CWF19L2: variants seen among roughly 807,000 people sequenced by gnomAD.
CWF19L2 encodes CWF19-like protein 2.
In CWF19L2, 98 loss-of-function variants were observed where a neutral mutation model predicts 111.7. The ratio of observed to expected loss-of-function variants is 0.88; its 90% CI spans 0.75 to 1.04. The LOEUF is 1.04. Among genes scored for constraint, CWF19L2 ranks in the 50% least tolerant of loss-of-function variants. The pLI, the probability that CWF19L2 is intolerant of heterozygous loss-of-function variation, is 0.00. For synonymous variants in CWF19L2, 351 were observed against 342.9 expected (o/e 1.02, Z -0.26); for missense variants, 1,101 against 1,051.4 (o/e 1.05, Z -0.65).
chr11:107,419,876 G>A (rs1450836509), intron 8 of CWF19L2, among the ~76,000 whole-genome samples: 1 of 151,984 alleles, frequency 6.6e-6, no homozygotes, highest in Non-Finnish European at 1.5e-5. Context: ...ACAAGTATAA[G>A]TAAAATGTAT....
intron 8 of CWF19L2, among the ~76,000 whole-genome samples, chr11:107,425,356 A>G (rs1022196437): frequency 2.0e-5 from 3 of 151,946 alleles, no homozygotes; most frequent in Non-Finnish European, 2.9e-5. Flanking sequence ...CCGTAAGATT[A>G]TAATGCTGTA....
At chr11:107,432,554 G>A (rs1216715440) in intron 7 of CWF19L2, among the ~76,000 whole-genome samples, 1 of 152,214 alleles carries the variant, frequency 6.6e-6, no homozygotes, top group East Asian at 1.9e-4. Context: ...CCGCACTCCA[G>A]CCTGGGTGAC....
intron 10 of CWF19L2, among the ~76,000 whole-genome samples, chr11:107,406,099 T>G (rs1431186109): frequency 1.3e-5 from 2 of 152,204 alleles, no homozygotes; most frequent in African/African-American, 2.4e-5. Context: ...ACTACTTGTA[T>G]GTAATACGCT....
At chr11:107,378,567 T>C (rs1591172828) in intron 12 of CWF19L2, among the ~76,000 whole-genome samples, 3 of 151,934 alleles carry the variant, frequency 2.0e-5, no homozygotes, top group Admixed American at 2.0e-4. Flanking sequence ...AATTGAACAA[T>C]GAGAACACAT....
chr11:107,340,705 C>T (rs1391485840), intron 14 of CWF19L2, among the ~76,000 whole-genome samples: 1 of 152,232 alleles, frequency 6.6e-6, no homozygotes, highest in Admixed American at 6.5e-5. Context: ...ATAATTCTAT[C>T]TATACCTACA....
chr11:107,442,882 G>GAGGAAGCA, intron 4 of CWF19L2, 57 bp downstream of exon 4: 1 of 699,148 alleles, frequency 1.4e-6, no homozygotes, highest in Admixed American at 2.6e-5. Context: ...GGGAGGGAGG[G>GAGGAAGCA]AGGAAGGAAG....
chr11:107,349,082 T>C, intron 13 of CWF19L2, 29 bp from the exon 14 acceptor site: 1 of 1,147,406 alleles, frequency 8.7e-7, no homozygotes, highest in Non-Finnish European at 1.3e-6. Flanking sequence ...AAAGGTGAAA[T>C]GTTATTGTTA....
chr11:107,361,718 T>G, intron 12 of CWF19L2, among the ~76,000 whole-genome samples: 1 of 152,254 alleles, frequency 6.6e-6, no homozygotes, highest in Non-Finnish European at 1.5e-5. Flanking sequence ...TTCCTAGGTA[T>G]TATTTTTTAT....
chr11:107,350,450 T>C (rs1392819556), intron 13 of CWF19L2, among the ~76,000 whole-genome samples: 1 of 152,128 alleles, frequency 6.6e-6, no homozygotes, highest in Non-Finnish European at 1.5e-5. Context: ...AATTATCTTA[T>C]AAAAGAAGCC....
At position 107,371,095 on chromosome 11, in the gene CWF19L2, GCT is replaced by G. The variant is rs1281172921; in HGVS notation, c.1873-17361_1873-17360del. Among the ~76,000 whole-genome samples, 34 of 121,814 alleles carry G rather than the reference GCT, an allele frequency of 2.8e-4. 5 individuals carry two copies. Among genetic ancestry groups the G allele is most frequent in the African/African-American group, 1.1e-3 (32 of 29,138 alleles). 79.9% of individuals were successfully genotyped at this position (121,814 alleles called of 152,430 possible). On this transcript the variant is annotated intron_variant, in intron 12 of 17. Transcript: ENST00000282251. ...GTGGTGCGATCTCGGCTCACTGCAA[GCT>G]CTGCCTCCCGGGTTCTCCTGCCTCA...
intron 16 of CWF19L2, among the ~76,000 whole-genome samples, chr11:107,334,307 C>T (rs1031980123): frequency 6.6e-6 from 1 of 152,188 alleles, no homozygotes; most frequent in African/African-American, 2.4e-5. Context: ...CATTACCAGA[C>T]GTGCTCAACT....
chr11:107,426,988 T>C (rs1203551726), intron 8 of CWF19L2, among the ~76,000 whole-genome samples: 1 of 152,046 alleles, frequency 6.6e-6, no homozygotes, highest in East Asian at 1.9e-4. Flanking sequence ...GTTTAAATTT[T>C]ATACATATAC....
chr11:107,442,788 AAGGAAGGGAGGGAGGGAGGG>A lies in CWF19L2; in HGVS notation c.450+131_450+150del, dbSNP rs1447076905. On this transcript the variant is annotated intron_variant, in intron 4 of 17. Coordinates refer to ENST00000282251, the MANE Select transcript of CWF19L2 (RefSeq NM_152434.3). Reference sequence around the variant, plus strand: ...GAAGGAAGGAAGGAAGGAAGGAAGGAAGGAAGGGAGGGAGGGAGGGAGGGAGGGAGGGGGAGGGAGGGAGA... The same window carrying A: ...GAAGGAAGGAAGGAAGGAAGGAAGGAAGGGAGGGAGGGGGAGGGAGGGAGA... The A allele has an allele frequency of 5.6e-3, 1,229 of 219,670 alleles. 24 individuals are homozygous for A. The highest frequency in any genetic ancestry group is 0.033 in the East Asian group (352 of 10,774). 13.6% of individuals were successfully genotyped at this position (219,670 alleles called of 1,614,324 possible). A position where few individuals can be genotyped will look rare whatever the true frequency, so the allele number is the denominator to read the frequency against.
chr11:107,382,784 CAG>C (rs1357535343), intron 12 of CWF19L2, among the ~76,000 whole-genome samples: 1 of 152,236 alleles, frequency 6.6e-6, no homozygotes, highest in African/African-American at 2.4e-5. Context: ...CCTCAGGAAA[CAG>C]AGTCTCTCTC....
chr11:107,433,078 T>C (rs139946807), intron 7 of CWF19L2, among the ~76,000 whole-genome samples: 52 of 152,268 alleles, frequency 3.4e-4, no homozygotes, highest in African/African-American at 1.3e-3. Context: ...GGGGAAAATA[T>C]CTGGAAAAAT....
intron 7 of CWF19L2, among the ~76,000 whole-genome samples, chr11:107,430,210 G>A (rs675081): frequency 0.19 from 26,637 of 136,736 alleles, 2,527 homozygotes; most frequent in Middle Eastern, 0.28. Context: ...AAAACTCAAG[G>A]AAAAAAAAAA....
At chr11:107,338,880 T>C (rs1281725959) in intron 14 of CWF19L2, among the ~76,000 whole-genome samples, 15 of 152,194 alleles carry the variant, frequency 9.9e-5, no homozygotes, top group Admixed American at 9.8e-4. Context: ...AATGAACACA[T>C]GTGTGCATGT....
intron 12 of CWF19L2, among the ~76,000 whole-genome samples, chr11:107,358,692 G>A (rs1205087652): frequency 6.6e-6 from 1 of 152,234 alleles, no homozygotes; most frequent in Non-Finnish European, 1.5e-5. Flanking sequence ...AGGGCTTAAG[G>A]AGGAAGAGTT....
intron 6 of CWF19L2, 29 bp downstream of exon 6, chr11:107,439,061 G>GT: frequency 2.1e-6 from 1 of 465,738 alleles, no homozygotes; most frequent in Non-Finnish European, 3.6e-6. Flanking sequence ...AAAAAACCCT[G>GT]TGTGTCTATA....
Sources: allele counts gnomAD v4.1 joint callset (sites outside exome capture counted in the v4.1 genomes callset), GRCh38; gene constraint gnomAD v4.1.1; transcripts MANE v1.5; gene names NCBI Gene and HGNC (gene_info 2026-07-23, HGNC 2026-07-21).